Variants in SDK1 observed in about 807,000 individuals in gnomAD.
The protein encoded by SDK1 is protein sidekick-1.
In SDK1, 157 loss-of-function variants were observed where a neutral mutation model predicts 245.5. That is an observed-to-expected ratio of 0.64 (90% CI 0.56 to 0.73). The LOEUF is 0.73. Among genes scored for constraint, SDK1 ranks in the 30% least tolerant of loss-of-function variants. The pLI is 0.00. For synonymous variants in SDK1, 1,647 were observed against 1,278.5 expected, an observed-to-expected ratio of 1.29 and a Z score of -6.15; for missense variants, 3,583 against 3,002.3, an observed-to-expected ratio of 1.19 and a Z score of -4.52.
chr7:3,792,751 C>T (rs528199496), intron 4 of SDK1, among the ~76,000 whole-genome samples: 1 of 151,878 alleles, frequency 6.6e-6, no homozygotes, highest in Non-Finnish European at 1.5e-5. Context: ...CAACTACTAC[C>T]CCCTCCCCCT....
chr7:3,896,500 A>G (rs891306108), intron 5 of SDK1, among the ~76,000 whole-genome samples: 3 of 152,088 alleles, frequency 2.0e-5, no homozygotes, highest in African/African-American at 7.2e-5. Flanking sequence ...CTTCTGTGGC[A>G]TTTTTCTCCA....
intron 5 of SDK1, among the ~76,000 whole-genome samples, chr7:3,878,304 A>G (rs1781122331): frequency 6.6e-6 from 1 of 152,158 alleles, no homozygotes; most frequent in Admixed American, 6.5e-5. Context: ...GTGGATCACG[A>G]GGTCAGCAGA....
chr7:3,556,032 G>C (rs1056205844), intron 1 of SDK1, among the ~76,000 whole-genome samples: 7 of 152,146 alleles, frequency 4.6e-5, no homozygotes, highest in African/African-American at 1.7e-4. Flanking sequence ...AGTAAAAATA[G>C]AGCTACCATA....
At chr7:3,505,682 C>T (rs566944467) in intron 1 of SDK1, among the ~76,000 whole-genome samples, 2 of 152,120 alleles carry the variant, frequency 1.3e-5, no homozygotes, top group East Asian at 1.9e-4. Context: ...TAAATAAACT[C>T]GGCCCTCTAT....
In SDK1 at chr7:4,021,428, A is replaced by G. The variant is rs76948020; in HGVS notation, c.2602+4076A>G. 6.1e-3 allele frequency among the ~76,000 whole-genome samples: 932 copies of G among 152,190 alleles called. 4 individuals are homozygous for G. The highest frequency in any genetic ancestry group is 0.035 in the East Asian group (183 of 5,168). On this transcript the variant is annotated intron_variant, in intron 17 of 44. Coordinates refer to ENST00000404826, the MANE Select transcript of SDK1 (RefSeq NM_152744.4). ...TAGGAATAGTGTCTGGCTGCTAGAA[A>G]CAGACCCACAGTGACAGGAGCTTAA...
chr7:3,413,631 C>T (rs1036523137), intron 1 of SDK1, among the ~76,000 whole-genome samples: 1 of 152,040 alleles, frequency 6.6e-6, no homozygotes, highest in Non-Finnish European at 1.5e-5. Context: ...GCGGTGGTTG[C>T]CTTGAGCTGA....
At chr7:4,076,921 A>G (rs1036822076) in intron 20 of SDK1, 77 bp from the exon 21 acceptor site, 3 of 1,297,756 alleles carry the variant, frequency 2.3e-6, no homozygotes, top group Non-Finnish European at 3.2e-6. Flanking sequence ...CCAAGCCTGC[A>G]ACGATGGTGC....
rs546157206 is a variant in SDK1 at position 3,595,966 on chromosome 7, T to G, written c.299-23114T>G. Among the ~76,000 whole-genome samples the G allele has an allele frequency of 1.1e-4, 17 of 151,704 alleles. No homozygotes were observed. In the South Asian group the frequency reaches 3.6e-3, roughly 32 times the overall value. ...GTCTAATGGGTATTTTTTTTTTTTT[T>G]TTAAGTCATACCATCTACCTGATGC... On this transcript the variant is annotated intron_variant, in intron 1 of 44. Transcript: ENST00000404826.
chr7:3,588,171 C>T (rs754579566), intron 1 of SDK1, among the ~76,000 whole-genome samples: 16 of 152,172 alleles, frequency 1.1e-4, no homozygotes, highest in Non-Finnish European at 1.8e-4. Flanking sequence ...TTATTATAAT[C>T]TGATTTGTCA....
intron 22 of SDK1, among the ~76,000 whole-genome samples, chr7:4,105,409 C>G (rs565739680): frequency 6.6e-6 from 1 of 152,190 alleles, no homozygotes; most frequent in South Asian, 2.1e-4. Context: ...CTGGTTCAAG[C>G]GATTCTCCTG....
intron 1 of SDK1, among the ~76,000 whole-genome samples, chr7:3,608,240 G>A (rs890089139): frequency 1.3e-5 from 2 of 152,046 alleles, no homozygotes; most frequent in South Asian, 2.1e-4. Context: ...ATTCTGTGTC[G>A]AAATGTGAAT....
At chr7:3,714,402 T>C (rs1785140822) in intron 4 of SDK1, among the ~76,000 whole-genome samples, 1 of 152,246 alleles carries the variant, frequency 6.6e-6, no homozygotes, top group African/African-American at 2.4e-5. Context: ...TTTTACTCTC[T>C]TTTCAACCTG....
At chr7:3,970,782 C>G (rs766766839) in intron 11 of SDK1, among the ~76,000 whole-genome samples, 1 of 152,192 alleles carries the variant, frequency 6.6e-6, no homozygotes, top group Non-Finnish European at 1.5e-5. Flanking sequence ...AACTAAGATG[C>G]AGAATTGTTT....
At chr7:3,700,633 G>A (rs7793480) in intron 4 of SDK1, among the ~76,000 whole-genome samples, 12,825 of 151,946 alleles carry the variant, frequency 0.084, 1,692 homozygotes, top group African/African-American at 0.28. Flanking sequence ...AAGAAATCAG[G>A]GAAACAAGAA....
chr7:3,858,885 TAG>T (rs1435944676), intron 5 of SDK1, among the ~76,000 whole-genome samples: 1 of 141,488 alleles, frequency 7.1e-6, no homozygotes, highest in Non-Finnish European at 1.5e-5. Context: ...TTTTTTGAGA[TAG>T]AGTCTCACTC....
chr7:3,616,967 A>G (rs1367828524), intron 1 of SDK1, among the ~76,000 whole-genome samples: 2 of 152,242 alleles, frequency 1.3e-5, no homozygotes, highest in African/African-American at 4.8e-5. Flanking sequence ...GTCAAAATAT[A>G]TAGAATTGGT....
chr7:4,111,136 C>T (rs897879565), intron 23 of SDK1, among the ~76,000 whole-genome samples: 2 of 152,218 alleles, frequency 1.3e-5, no homozygotes, highest in African/African-American at 4.8e-5. Flanking sequence ...CGTGTGCAAA[C>T]AAAGCAGATG....
intron 4 of SDK1, among the ~76,000 whole-genome samples, chr7:3,697,716 T>G (rs529926292): frequency 2.0e-5 from 3 of 152,174 alleles, no homozygotes; most frequent in Non-Finnish European, 2.9e-5. Context: ...CCCACTTCAC[T>G]CCTACAGTAG....
At position 4,241,878 on chromosome 7, in the gene SDK1, T is replaced by C; in HGVS notation, c.6216T>C (p.Asn2072=). The part of the protein sequence containing the change: ...AALELSSRHL[N]VKSTFSKKNG... The stretch of plus-strand genomic sequence containing the variant: ...TGGAGCTCAGCAGCCGCCACCTCAA[T>C]GTCAAGAGCACCTTCTCCAAGAAGA... The change falls in exon 43 of 45, where the codon AAT becomes AAC. Residue 2072 remains asparagine (N), a synonymous_variant. Coordinates refer to ENST00000404826, the MANE Select transcript of SDK1 (RefSeq NM_152744.4). 4 of 1,613,996 alleles carry C rather than the reference T, an allele frequency of 2.5e-6. No individual in the cohort carries two copies. The highest frequency in any genetic ancestry group is 3.4e-6 in the Non-Finnish European group (4 of 1,180,028).
Sources: gnomAD v4.1 joint callset for allele counts (sites outside exome capture counted in the v4.1 genomes callset) on GRCh38, gnomAD v4.1.1 for gene constraint, MANE v1.5 for transcripts, NCBI Gene and HGNC (gene_info 2026-07-23, HGNC 2026-07-21) for gene names.